FAP: variants seen among roughly 807,000 people sequenced by gnomAD.
The protein encoded by FAP is prolyl endopeptidase FAP.
A neutral mutation model predicts 126.5 loss-of-function variants in FAP; 110 were observed. That is an observed-to-expected ratio of 0.87 (90% CI 0.74 to 1.02). The LOEUF is 1.02. Ranked by LOEUF, FAP falls within the 50% of genes least tolerant of loss-of-function variation. FAP has a pLI of 0.00. For synonymous variants in FAP, 334 were observed against 297.3 expected (o/e 1.12, Z -1.27); for missense variants, 919 against 909.2 (o/e 1.01, Z -0.14).
chr2:162,225,648 C>T lies in FAP; in HGVS notation c.191-71G>A, dbSNP rs1689614083. The stretch of plus-strand genomic sequence containing the variant: ...TGAAATACATTCCTAACAAAAGAAA[C>T]CTCTCTATTTCACAGACCTACTTTG... On this transcript the variant is annotated intron_variant, in intron 3 of 25. Coordinates refer to ENST00000188790, the MANE Select transcript of FAP (RefSeq NM_004460.5). 2.1e-6 allele frequency: 3 copies of T among 1,437,554 alleles called. No homozygotes were observed. The South Asian group carries it at 4.1e-5, about 20-fold the overall frequency. The allele number at this position is 1,437,554 out of a possible 1,614,324, so 89.0% of individuals were successfully genotyped here.
Position 162,191,517 on chromosome 2 carries a change from C to T in FAP, c.1451-1763G>A, listed in dbSNP as rs191491990. On this transcript the variant is annotated intron_variant, in intron 17 of 25. Coordinates refer to ENST00000188790, the MANE Select transcript of FAP (RefSeq NM_004460.5). ...CATTTTACTTTCTTTCTCCCATCAC[C>T]GTATACTCAGTACCAAGCACACACA... is the stretch of plus-strand genomic sequence containing the variant. 1.1e-4 allele frequency among the ~76,000 whole-genome samples: 16 copies of T among 152,106 alleles called. No homozygotes were observed. The East Asian group carries it at 2.7e-3, about 26-fold the overall frequency.
In FAP at chr2:162,189,647, A is replaced by T; in HGVS notation, c.1549+9T>A. 3 of 1,451,668 alleles carry T rather than the reference A, an allele frequency of 2.1e-6. No homozygotes were observed. Among genetic ancestry groups the T allele is most frequent in the Non-Finnish European group, 2.9e-6 (3 of 1,050,252 alleles). 89.9% of individuals were successfully genotyped at this position (1,451,668 alleles called of 1,614,324 possible). ...TATCTATAAATGAGAAGTTTTTAAA[A>T]GATCTTACTAATTTCATCTACTTCA... On this transcript the variant is annotated intron_variant, in intron 18 of 25. Transcript: ENST00000188790.
At chr2:162,191,443 G>A (rs1194666947) in intron 17 of FAP, among the ~76,000 whole-genome samples, 2 of 152,058 alleles carry the variant, frequency 1.3e-5, no homozygotes, top group Non-Finnish European at 2.9e-5. Context: ...CAATAAGGCT[G>A]TGCATTAAAA....
At chr2:162,240,251 A>C (rs1424758303) in intron 2 of FAP, among the ~76,000 whole-genome samples, 1 of 152,196 alleles carries the variant, frequency 6.6e-6, no homozygotes, top group East Asian at 1.9e-4. Flanking sequence ...GTTTCGAAAA[A>C]AGTTTTTCCT....
chr2:162,240,427 A>G (rs540997732), intron 2 of FAP, among the ~76,000 whole-genome samples: 4 of 152,136 alleles, frequency 2.6e-5, no homozygotes, highest in South Asian at 4.1e-4. Context: ...TTTAGACGTG[A>G]TGTGAAATAA....
intron 17 of FAP, 31 bp from the exon 18 acceptor site, chr2:162,189,785 A>C (rs748620563): frequency 7.9e-7 from 1 of 1,272,410 alleles, no homozygotes; most frequent in Non-Finnish European, 1.1e-6. Context: ...ATTTTTAATC[A>C]ATAGTATTTC....
chr2:162,185,767 C>T lies in FAP; in HGVS notation c.1815-2299G>A, dbSNP rs112151191. 2.4e-3 allele frequency among the ~76,000 whole-genome samples: 365 copies of T among 152,128 alleles called. 2 individuals are homozygous for T. Among genetic ancestry groups the T allele is most frequent in the African/African-American group, 8.1e-3 (337 of 41,514 alleles). ...GGGAGAAATTTTATTCTCTGAGAGG[C>T]AATTTAAGGGCTACAGTAGAAGTAT... On this transcript the variant is annotated intron_variant, in intron 20 of 25. Transcript: ENST00000188790.
intron 12 of FAP, among the ~76,000 whole-genome samples, chr2:162,203,535 C>T (rs563522765): frequency 6.6e-6 from 1 of 152,316 alleles, no homozygotes; most frequent in South Asian, 2.1e-4. Context: ...GACTATACCT[C>T]TTTTAATTCT....
chr2:162,187,751 A>C (rs1416681684), intron 20 of FAP, among the ~76,000 whole-genome samples: 2 of 152,042 alleles, frequency 1.3e-5, no homozygotes, highest in Non-Finnish European at 2.9e-5. Context: ...TAACATCTAA[A>C]AGTATGTAGT....
intron 2 of FAP, among the ~76,000 whole-genome samples, chr2:162,227,462 C>A (rs944869130): frequency 2.0e-5 from 3 of 152,108 alleles, no homozygotes; most frequent in Non-Finnish European, 4.4e-5. Flanking sequence ...AATAAGGCAA[C>A]CAAAGCCCAA....
chr2:162,218,561 TTAGATAGATAGATAGATAGA>T (rs3217172), intron 8 of FAP, among the ~76,000 whole-genome samples: 1 of 148,466 alleles, frequency 6.7e-6, no homozygotes, highest in Non-Finnish European at 1.5e-5. Context: ...CACAGTTAGT[TTAGATAGATAGATAGATAGA>T]TAGATAGATA....
chr2:162,181,670 T>C (rs1420506920), intron 21 of FAP, among the ~76,000 whole-genome samples: 1 of 152,244 alleles, frequency 6.6e-6, no homozygotes, highest in Non-Finnish European at 1.5e-5. Context: ...GTTGCATCTC[T>C]CTTAACACTT....
chr2:162,202,299 G>A (rs1472264209), intron 14 of FAP, among the ~76,000 whole-genome samples: 4 of 152,234 alleles, frequency 2.6e-5, no homozygotes, highest in African/African-American at 9.6e-5. Context: ...GATAATAACA[G>A]CCTTAGATTT....
rs190184462 is a variant in FAP, at chr2:162,200,956, C to T, written c.1224-337G>A. On this transcript the variant is annotated intron_variant, in intron 14 of 25. Transcript: ENST00000188790. ...ACAGTTTACCTGTTTCTCTGTACTA[C>T]GTTATTTAATTTTATCTGGGATTCT... is the stretch of plus-strand genomic sequence containing the variant. Among the ~76,000 whole-genome samples, 28 of 152,176 alleles carry T rather than the reference C, an allele frequency of 1.8e-4. No individual in the cohort carries two copies. The East Asian group carries it at 2.9e-3, about 16-fold the overall frequency.
At chr2:162,225,093 C>T (rs757157910) in intron 4 of FAP, among the ~76,000 whole-genome samples, 1 of 152,038 alleles carries the variant, frequency 6.6e-6, no homozygotes, top group East Asian at 1.9e-4. Context: ...TTTTATTAAC[C>T]AAAAGAGGCA....
At chr2:162,195,166 T>C (rs1688205049) in intron 16 of FAP, 2 of 200,508 alleles carry the variant, frequency 1.0e-5, no homozygotes, top group Non-Finnish European at 1.0e-5. Flanking sequence ...TGGTTCAATG[T>C]TCAGCTTATT....
intron 2 of FAP, among the ~76,000 whole-genome samples, chr2:162,229,015 AT>A (rs1244139328): frequency 6.6e-6 from 1 of 152,184 alleles, no homozygotes; most frequent in Non-Finnish European, 1.5e-5. Context: ...CAAGATAACA[AT>A]TTTTTTAAAG....
chr2:162,200,540 T>C (rs1436965942), intron 15 of FAP, 26 bp downstream of exon 15: 3 of 1,314,680 alleles, frequency 2.3e-6, no homozygotes, highest in African/African-American at 2.9e-5. Context: ...CACATAGAAA[T>C]ACCAGAATGA....
At chr2:162,171,134 A>G in intron 25 of FAP, 54 bp from the exon 26 acceptor site, 1 of 1,443,666 alleles carries the variant, frequency 6.9e-7, no homozygotes, top group East Asian at 2.3e-5. Flanking sequence ...AAATGCATTT[A>G]GCTTGGACTT....
Sources: allele counts gnomAD v4.1 joint callset (sites outside exome capture counted in the v4.1 genomes callset), GRCh38; gene constraint gnomAD v4.1.1; transcripts MANE v1.5; gene names NCBI Gene and HGNC (gene_info 2026-07-23, HGNC 2026-07-21).